The following LETM1 variants were observed in gnomAD, a reference collection of about 807,000 sequenced individuals.
The protein encoded by LETM1 is leucine zipper and EF-hand containing transmembrane protein 1, also known as mitochondrial proton/calcium exchanger protein.
A neutral mutation model predicts 74.5 loss-of-function variants in LETM1; 50 were observed. The observed-to-expected ratio is 0.67, with a 90% confidence interval of 0.53 to 0.85. The LOEUF is 0.85. LETM1 is among the 40% of genes least tolerant of loss of function. LETM1 has a pLI of 0.00. For missense variants in LETM1, 824 were observed against 967.8 expected, an observed-to-expected ratio of 0.85 and a Z score of 1.97; for synonymous variants, 446 against 407.1, an observed-to-expected ratio of 1.10 and a Z score of -1.15.
rs1712397635 is a variant in LETM1 at position 1,834,578 on chromosome 4, G to A, written c.876+267C>T. 3.1e-6 allele frequency: 4 copies of A among 1,269,856 alleles called. No homozygotes were observed. Among genetic ancestry groups the A allele is most frequent in the Non-Finnish European group, 4.0e-6 (4 of 1,001,570 alleles). The allele number at this position is 1,269,856 out of a possible 1,614,324, so 78.7% of individuals were successfully genotyped here. On this transcript the variant is annotated intron_variant, in intron 5 of 13. Transcript: ENST00000302787. This position sits in a 1 kb window ranked among gnomAD's most constrained non-coding sequence, Gnocchi z 5.0. Reference sequence around the variant, plus strand: ...GGCTCCTCATGGGTCAGATTCTACTGCTCCTGGACAGCTGCAGGGTGATGA... The same window carrying A: ...GGCTCCTCATGGGTCAGATTCTACTACTCCTGGACAGCTGCAGGGTGATGA...
At chr4:1,849,071 A>G (rs1577327963) in intron 2 of LETM1, 78 bp downstream of exon 2, 1 of 934,932 alleles carries the variant, frequency 1.1e-6, no homozygotes, top group Non-Finnish European at 1.8e-6. Flanking sequence ...TCAAAAATCA[A>G]GAGTCACTCG....
intron 8 of LETM1, among the ~76,000 whole-genome samples, chr4:1,823,417 C>T (rs978224698): frequency 2.7e-4 from 41 of 149,668 alleles, no homozygotes; most frequent in South Asian, 2.1e-4. Flanking sequence ...GTGGCCAGGT[C>T]GGGACCACTG....
At chr4:1,847,867 C>T (rs553254518) in intron 2 of LETM1, among the ~76,000 whole-genome samples, 4 of 145,686 alleles carry the variant, frequency 2.7e-5, no homozygotes, top group South Asian at 2.2e-4. Context: ...GTGTGGTGTG[C>T]GCGCCTGTAA....
intron 3 of LETM1, among the ~76,000 whole-genome samples, chr4:1,838,820 T>C (rs1712579415): frequency 6.6e-6 from 1 of 152,120 alleles, no homozygotes; most frequent in Non-Finnish European, 1.5e-5. Flanking sequence ...TGGACTCGAT[T>C]CCCACATAGG....
chr4:1,839,221 G>A (rs561751500), intron 3 of LETM1: 9 of 152,306 alleles, frequency 5.9e-5, no homozygotes, highest in South Asian at 2.1e-4. Flanking sequence ...ACTGGTGAGC[G>A]AGCAGGTTCT....
intron 1 of LETM1, among the ~76,000 whole-genome samples, chr4:1,854,838 G>A (rs1713184608): frequency 6.6e-6 from 1 of 151,958 alleles, no homozygotes; most frequent in African/African-American, 2.4e-5. Context: ...GAATTGGGAG[G>A]ATACATTCAG....
chr4:1,828,388 A>G (rs1466876245), intron 6 of LETM1, among the ~76,000 whole-genome samples: 1 of 69,102 alleles, frequency 1.4e-5, no homozygotes, highest in African/African-American at 6.5e-5. Flanking sequence ...TGACACCCCC[A>G]CCTCCCTCCC....
At chr4:1,823,331 C>T (rs1232940269) in intron 8 of LETM1, among the ~76,000 whole-genome samples, 200 bp from the exon 9 acceptor site, 1 of 150,014 alleles carries the variant, frequency 6.7e-6, no homozygotes, top group African/African-American at 2.5e-5. Flanking sequence ...CCGATGACTC[C>T]TGACATGTGG....
At chr4:1,852,652 C>T (rs1211845784) in intron 1 of LETM1, among the ~76,000 whole-genome samples, 2 of 152,316 alleles carry the variant, frequency 1.3e-5, no homozygotes, top group South Asian at 2.1e-4. Flanking sequence ...CCCAAACTCA[C>T]GCCTGTAATC....
At position 1,812,462 on chromosome 4, in the gene LETM1, C is replaced by T. The variant is rs1216219018; in HGVS notation, c.*1962G>A. On this transcript the variant is annotated 3_prime_UTR_variant, in exon 14 of 14. Transcript: ENST00000302787. ...AGGAATTCGTTTCATTTTCACCAGG[C>T]GCAGATATCCTAGCTCCTGAAAAAG... is the stretch of plus-strand genomic sequence containing the variant. 6.6e-6 allele frequency: 1 copy of T among 151,380 alleles called. No individual in the cohort carries two copies. Among genetic ancestry groups the T allele is most frequent in the African/African-American group, 2.4e-5 (1 of 41,094 alleles). 9.4% of individuals were successfully genotyped at this position (151,380 alleles called of 1,614,324 possible). A position where few individuals can be genotyped will look rare whatever the true frequency, so the allele number is the denominator to read the frequency against.
intron 1 of LETM1, among the ~76,000 whole-genome samples, chr4:1,854,219 C>T (rs781725068): frequency 2.6e-5 from 4 of 152,192 alleles, no homozygotes; most frequent in South Asian, 2.1e-4. Flanking sequence ...AGGTGGCTCA[C>T]GCCTGTAATC....
chr4:1,839,572 T>C (rs1712613686), intron 3 of LETM1, among the ~76,000 whole-genome samples: 1 of 152,250 alleles, frequency 6.6e-6, no homozygotes, highest in Non-Finnish European at 1.5e-5. Flanking sequence ...TGGTTAGTTA[T>C]GACAGGTATT....
In LETM1 at chr4:1,814,333, G is replaced by A. The variant is rs1305610511; in HGVS notation, c.*91C>T. On this transcript the variant is annotated 3_prime_UTR_variant, in exon 14 of 14. Transcript: ENST00000302787. ...ATTTATTCCAGCCAAAATATTAGAT[G>A]AGCCACTGAGAATCACCACAAAGCA... is the stretch of plus-strand genomic sequence containing the variant. 3 of 1,574,582 alleles carry A rather than the reference G, an allele frequency of 1.9e-6. No individual in the cohort carries two copies. Among genetic ancestry groups the A allele is most frequent in the African/African-American group, 1.4e-5 (1 of 73,532 alleles).
chr4:1,832,516 T>C (rs1712312307), intron 6 of LETM1, among the ~76,000 whole-genome samples: 1 of 152,082 alleles, frequency 6.6e-6, no homozygotes, highest in Non-Finnish European at 1.5e-5. Flanking sequence ...AAGCAAGTTA[T>C]TATAAATCTG....
chr4:1,822,741 G>A lies in LETM1; in HGVS notation c.1476+247C>T, dbSNP rs545363367. The A allele has an allele frequency of 4.9e-5, 19 of 391,084 alleles. No individual in the cohort carries two copies. In the South Asian group the frequency reaches 2.0e-3, roughly 41 times the overall value. The allele number at this position is 391,084 out of a possible 1,614,324, so 24.2% of individuals were successfully genotyped here. On this transcript the variant is annotated intron_variant, in intron 9 of 13. Coordinates refer to ENST00000302787, the MANE Select transcript of LETM1 (RefSeq NM_012318.3). ...GTGGGCACTGCCATATGCTAAGCTT[G>A]CCCCTCTGAGACGGCTAAGGTATAT...
intron 1 of LETM1, among the ~76,000 whole-genome samples, chr4:1,849,737 G>A (rs891076249): frequency 4.6e-5 from 7 of 152,142 alleles, no homozygotes; most frequent in Non-Finnish European, 8.8e-5. Flanking sequence ...TTGTAAAGAC[G>A]GGGTTTCGTT....
chr4:1,848,344 T>C (rs904046848), intron 2 of LETM1, among the ~76,000 whole-genome samples: 21 of 151,858 alleles, frequency 1.4e-4, no homozygotes, highest in African/African-American at 4.6e-4. Flanking sequence ...GTCAGGAGAT[T>C]GAGACCATCC....
chr4:1,855,741 GGGGCTCCGGAGGCCGGGACCACC>G, intron 1 of LETM1, 105 bp downstream of exon 1: 1 of 528,134 alleles, frequency 1.9e-6, no homozygotes, highest in Non-Finnish European at 2.8e-6. Flanking sequence ...CGGTCCCGCA[GGGGCTCCGGAGGCCGGGACCACC>G]GGGCTCCCCG....
intron 6 of LETM1, among the ~76,000 whole-genome samples, chr4:1,831,960 AAC>A (rs1400132644): frequency 6.6e-6 from 1 of 152,238 alleles, no homozygotes; most frequent in East Asian, 1.9e-4. Context: ...TGACAAGAGG[AAC>A]AGTTTTACCT....
Sources: gnomAD v4.1 joint callset for allele counts (sites outside exome capture counted in the v4.1 genomes callset) on GRCh38, gnomAD v4.1.1 for gene constraint, Gnocchi (gnomAD v3.1) non-coding constraint, MANE v1.5 for transcripts, NCBI Gene and HGNC (gene_info 2026-07-23, HGNC 2026-07-21) for gene names.